Variants in UNC13B observed in about 807,000 individuals in gnomAD.
The protein encoded by UNC13B is unc-13 homolog B.
A neutral mutation model predicts 211.0 loss-of-function variants in UNC13B; 144 were observed. The observed-to-expected ratio is 0.68, with a 90% CI of 0.60 to 0.78. UNC13B has a LOEUF of 0.78. Among genes scored for constraint, UNC13B ranks in the 30% least tolerant of loss-of-function variants. The pLI, the probability that UNC13B is intolerant of heterozygous loss-of-function variation, is 0.00. For synonymous variants in UNC13B, 709 were observed against 725.8 expected, an observed-to-expected ratio of 0.98 and a Z score of 0.37; for missense variants, 1,777 against 2,002.0, an observed-to-expected ratio of 0.89 and a Z score of 2.14.
chr9:35,268,455 T>TCCA (rs1827696187), intron 7 of UNC13B, among the ~76,000 whole-genome samples: 1 of 152,036 alleles, frequency 6.6e-6, no homozygotes, highest in African/African-American at 2.4e-5. Context: ...CCATCTATAC[T>TCCA]AAAAATACAA....
intron 11 of UNC13B, chr9:35,351,723 A>G (rs572885960): frequency 1.6e-6 from 2 of 1,232,230 alleles, no homozygotes; most frequent in South Asian, 8.2e-5. Context: ...ATTGGTGGAG[A>G]TAGAGATGGG....
At position 35,307,361 on chromosome 9, in the gene UNC13B, G is replaced by T. The variant is rs2131847789; in HGVS notation, c.7957G>T (p.Ala2653Ser). Residue 2653 changes from alanine (A) to serine (S), a missense_variant, in exon 9 of 40, where the codon GCA becomes TCA. Coordinates refer to ENST00000635942, the MANE Select transcript of UNC13B (RefSeq NM_001371189.2). ...SLEAENFALP[A>S]QLHPDPTCIA... ...AGAAGCAGAGAACTTTGCGCTGCCA[G>T]CACAGTTGCATCCAGATCCTACCTG... 1 of 399,014 alleles carries T rather than the reference G, an allele frequency of 2.5e-6. No individual in the cohort carries two copies. Among genetic ancestry groups the T allele is most frequent in the East Asian group, 3.6e-5 (1 of 28,068 alleles). The allele number at this position is 399,014 out of a possible 1,614,324, so 24.7% of individuals were successfully genotyped here. A position where few individuals can be genotyped will look rare whatever the true frequency, so the allele number is the denominator to read the frequency against.
rs1347159812 is a variant in UNC13B at position 35,376,239 on chromosome 9, G to T, written c.9827G>T (p.Cys3276Phe). ...TGCCAGGATCTGCTCAATGCTGACT[G>T]CCTGCAGCGTGAGTGCCCTGCGGGA... ...EKCQDLLNAD[C>F]LQRAAEKSCK... Residue 3276 changes from cysteine (C) to phenylalanine (F), a missense_variant, in exon 15 of 40, where the codon TGC becomes TTC. By Grantham distance (205) the Cys-to-Phe change is radical. Coordinates refer to ENST00000635942, the MANE Select transcript of UNC13B (RefSeq NM_001371189.2). 2.5e-6 allele frequency: 4 copies of T among 1,613,570 alleles called. No homozygotes were observed. The highest frequency in any genetic ancestry group is 1.1e-5 in the South Asian group (1 of 91,082).
chr9:35,366,080 T>C (rs1216479346), intron 11 of UNC13B, among the ~76,000 whole-genome samples: 7 of 152,084 alleles, frequency 4.6e-5, no homozygotes, highest in Admixed American at 3.9e-4. Context: ...TGCTCCAGGA[T>C]AGTTAGGAGG....
intron 7 of UNC13B, among the ~76,000 whole-genome samples, chr9:35,271,493 G>A (rs952268068): frequency 6.6e-6 from 1 of 152,100 alleles, no homozygotes; most frequent in Non-Finnish European, 1.5e-5. Context: ...GCAACAAATG[G>A]TATCAGTATA....
At chr9:35,237,200 G>A (rs1223572526) in intron 4 of UNC13B, among the ~76,000 whole-genome samples, 1 of 151,982 alleles carries the variant, frequency 6.6e-6, no homozygotes, top group Admixed American at 6.6e-5. Flanking sequence ...ATTCCTGTTT[G>A]GTGTTAACAT....
At chr9:35,403,327 G>A (rs1214828161) in intron 38 of UNC13B, 68 bp downstream of exon 38, 14 of 1,603,662 alleles carry the variant, frequency 8.7e-6, no homozygotes, top group Middle Eastern at 1.8e-4. Context: ...CAAAAGCAGG[G>A]GCTGCTCATC....
intron 7 of UNC13B, among the ~76,000 whole-genome samples, chr9:35,289,623 T>G (rs1268511717): frequency 6.6e-6 from 1 of 152,186 alleles, no homozygotes; most frequent in Admixed American, 6.5e-5. Context: ...TGTAATAACT[T>G]TCTCAAGATC....
intron 1 of UNC13B, among the ~76,000 whole-genome samples, chr9:35,173,215 C>T (rs928483390): frequency 6.6e-6 from 1 of 152,128 alleles, no homozygotes; most frequent in African/African-American, 2.4e-5. Flanking sequence ...AGATTACTTA[C>T]ATGAGCCAAA....
chr9:35,353,293 C>G (rs1385158995), intron 11 of UNC13B: 21 of 1,232,126 alleles, frequency 1.7e-5, no homozygotes, highest in Non-Finnish European at 1.8e-5. Flanking sequence ...GAGCAATTCA[C>G]CACTTTCGTT....
At chr9:35,310,093 A>G (rs1830111118) in intron 9 of UNC13B, among the ~76,000 whole-genome samples, 2 of 152,376 alleles carry the variant, frequency 1.3e-5, no homozygotes, top group Middle Eastern at 3.4e-3. Context: ...AATTAAAGAA[A>G]GATTAATCAC....
Position 35,300,671 on chromosome 9 carries a change from C to A in UNC13B, c.1267C>A (p.Gln423Lys), listed in dbSNP as rs1829631505. Residue 423 changes from glutamine to lysine, a missense_variant, in exon 9 of 40, where the codon CAA (glutamine) becomes AAA (lysine). By Grantham distance (53) the Gln-to-Lys change is moderately conservative. Transcript: ENST00000635942. ...YYVANSALPL[Q>K]RMNCDAKTLG... ...TGTAGCAAATTCAGCATTGCCATTA[C>A]AAAGGATGAATTGTGATGCAAAAAC... is the stretch of plus-strand genomic sequence containing the variant. 1 of 398,840 alleles carries A rather than the reference C, an allele frequency of 2.5e-6. No homozygotes were observed. Among genetic ancestry groups the A allele is most frequent in the African/African-American group, 2.1e-5 (1 of 48,624 alleles). The allele number at this position is 398,840 out of a possible 1,614,324, so 24.7% of individuals were successfully genotyped here.
At chr9:35,224,731 A>T (rs915868962) in intron 1 of UNC13B, among the ~76,000 whole-genome samples, 4 of 152,076 alleles carry the variant, frequency 2.6e-5, no homozygotes, top group African/African-American at 9.7e-5. Flanking sequence ...GAACAAAAAA[A>T]TAAAACTACA....
intron 6 of UNC13B, among the ~76,000 whole-genome samples, chr9:35,251,166 G>A (rs1006856901): frequency 4.0e-5 from 6 of 151,874 alleles, no homozygotes; most frequent in South Asian, 2.1e-4. Context: ...GGGTTTCACC[G>A]TGTTAGCCAG....
At chr9:35,348,870 A>G (rs2132051777) in intron 11 of UNC13B, among the ~76,000 whole-genome samples, 1 of 152,294 alleles carries the variant, frequency 6.6e-6, no homozygotes, top group East Asian at 1.9e-4. Flanking sequence ...TCATGGCTTC[A>G]TGTAGTTGTA....
intron 7 of UNC13B, among the ~76,000 whole-genome samples, chr9:35,266,838 A>T (rs1827606519): frequency 6.6e-6 from 1 of 152,210 alleles, no homozygotes; most frequent in Non-Finnish European, 1.5e-5. Flanking sequence ...TTTTATTACC[A>T]TTTCTAGCAT....
chr9:35,314,063 C>T, intron 11 of UNC13B, 74 bp downstream of exon 11: 1 of 1,189,012 alleles, frequency 8.4e-7, no homozygotes, highest in South Asian at 1.2e-5. Context: ...GCTGGAGAAG[C>T]AATCAGTGAT....
chr9:35,394,616 A>G (rs1183740130), intron 26 of UNC13B, among the ~76,000 whole-genome samples: 1 of 152,208 alleles, frequency 6.6e-6, no homozygotes. Context: ...AGAAGTTTAT[A>G]TAGACGTTAC....
chr9:35,170,457 C>T (rs1034363535), intron 1 of UNC13B, among the ~76,000 whole-genome samples: 4 of 151,798 alleles, frequency 2.6e-5, no homozygotes, highest in East Asian at 1.9e-4. Context: ...TGAGCCACCA[C>T]GCCCAGCCTT....
Sources: allele counts gnomAD v4.1 joint callset (sites outside exome capture counted in the v4.1 genomes callset), GRCh38; gene constraint gnomAD v4.1.1; transcripts MANE v1.5; gene names NCBI Gene and HGNC (gene_info 2026-07-23, HGNC 2026-07-21).